SLC22A4: variants seen among roughly 807,000 people sequenced by gnomAD.
SLC22A4 encodes solute carrier family 22 member 4.
A neutral mutation model predicts 56.6 loss-of-function variants in SLC22A4; 39 were observed. The observed-to-expected ratio is 0.69, with a 90% CI of 0.53 to 0.90. The LOEUF is 0.90. SLC22A4 is among the 40% of genes least tolerant of loss of function. SLC22A4 has a pLI of 0.00. For synonymous variants in SLC22A4, 241 were observed against 281.4 expected (o/e 0.86, Z 1.44); for missense variants, 594 against 696.5 (o/e 0.85, Z 1.66).
chr5:132,340,590 C>T lies in SLC22A4; in HGVS notation c.1470C>T (p.Tyr490=). 1 of 1,614,012 alleles carries T rather than the reference C, an allele frequency of 6.2e-7. No individual in the cohort carries two copies. Among genetic ancestry groups the T allele is most frequent in the Non-Finnish European group, 8.5e-7 (1 of 1,179,896 alleles). Residue 490 remains tyrosine (Y), a synonymous_variant, in exon 9 of 10, where the codon TAC becomes TAT. Coordinates refer to ENST00000200652, the MANE Select transcript of SLC22A4 (RefSeq NM_003059.3). ...YLGAYNRMLP[Y]IVMGSLTVLI... ...GTGCTTACAACAGAATGCTGCCCTA[C>T]ATCGTCATGGGTAGTCTGACTGTCC...
At chr5:132,319,310 AAAAAAAAAG>A (rs1224792738) in intron 3 of SLC22A4, among the ~76,000 whole-genome samples, 13 of 145,522 alleles carry the variant, frequency 8.9e-5, no homozygotes, top group African/African-American at 1.4e-4. Context: ...TCAAAAAAAA[AAAAAAAAAG>A]AAAAAAAAGA....
chr5:132,295,224 A>G (rs897858936), intron 1 of SLC22A4: 4 of 721,090 alleles, frequency 5.5e-6, no homozygotes, highest in South Asian at 3.0e-5. Context: ...GAGGTGATGG[A>G]GAAAGGAGTT....
chr5:132,335,693 A>AT, intron 7 of SLC22A4, 125 bp from the exon 8 acceptor site: 2 of 826,728 alleles, frequency 2.4e-6, no homozygotes, highest in South Asian at 2.8e-5. Flanking sequence ...AGAAAATGCT[A>AT]TTTTGGGAAT....
At chr5:132,315,265 G>A (rs915404405) in intron 3 of SLC22A4, among the ~76,000 whole-genome samples, 10 of 152,072 alleles carry the variant, frequency 6.6e-5, no homozygotes, top group East Asian at 1.9e-4. Context: ...TCCCCAAAAC[G>A]GAGGACTCTG....
intron 6 of SLC22A4, chr5:132,332,422 C>T (rs748110879): frequency 1.3e-4 from 21 of 155,890 alleles, no homozygotes; most frequent in Middle Eastern, 3.2e-3. Flanking sequence ...CATTGATGTC[C>T]CTGGGTAATG....
At chr5:132,342,998 G>A (rs912865678) in intron 9 of SLC22A4, among the ~76,000 whole-genome samples, 3 of 152,248 alleles carry the variant, frequency 2.0e-5, no homozygotes, top group African/African-American at 7.2e-5. Context: ...TAGTCTTCTG[G>A]TGACCAGCCC....
intron 1 of SLC22A4, among the ~76,000 whole-genome samples, chr5:132,303,242 A>G (rs1749946531): frequency 6.6e-6 from 1 of 152,232 alleles, no homozygotes; most frequent in Admixed American, 6.5e-5. Flanking sequence ...CAGTGTGAGG[A>G]GCGCCAGCGC....
intron 1 of SLC22A4, among the ~76,000 whole-genome samples, chr5:132,303,748 A>G (rs1749958959): frequency 6.6e-6 from 1 of 152,194 alleles, no homozygotes; most frequent in Non-Finnish European, 1.5e-5. Flanking sequence ...CAGCTCATTC[A>G]TACGGCAGAG....
intron 3 of SLC22A4, among the ~76,000 whole-genome samples, chr5:132,316,562 G>GA (rs1310537192): frequency 1.3e-5 from 2 of 152,254 alleles, no homozygotes; most frequent in East Asian, 1.9e-4. Flanking sequence ...TAATAACACA[G>GA]AAAAAACTCT....
At chr5:132,324,413 G>A (rs979421208) in intron 4 of SLC22A4, 6 of 437,578 alleles carry the variant, frequency 1.4e-5, no homozygotes, top group Non-Finnish European at 2.8e-5. Context: ...ATCCCACAGG[G>A]AGCCTGCTCA....
chr5:132,295,889 G>A (rs1240381657), intron 1 of SLC22A4, among the ~76,000 whole-genome samples: 2 of 152,208 alleles, frequency 1.3e-5, no homozygotes, highest in African/African-American at 4.8e-5. Context: ...AGTGGCCTCT[G>A]CTAGTCCCTT....
chr5:132,320,988 A>T lies in SLC22A4; in HGVS notation c.653-1196A>T, dbSNP rs1393695390. On this transcript the variant is annotated intron_variant, in intron 3 of 9. Transcript: ENST00000200652. ...TGTGGAAAGGGCCCAGAGCTCCGTG[A>T]CAAGAGAAGGAGCTTTGTTCTTGGA... 4 of 152,336 alleles carry T rather than the reference A, an allele frequency of 2.6e-5. No individual in the cohort carries two copies. In the East Asian group the frequency reaches 7.7e-4, roughly 29 times the overall value. The allele number at this position is 152,336 out of a possible 1,614,324, so 9.4% of individuals were successfully genotyped here.
intron 3 of SLC22A4, among the ~76,000 whole-genome samples, chr5:132,314,447 T>C (rs2126713502): frequency 6.6e-6 from 1 of 152,282 alleles, no homozygotes; most frequent in East Asian, 1.9e-4. Flanking sequence ...ATGAGGGTCA[T>C]CCACAGGAGT....
In SLC22A4 at chr5:132,343,884, C is replaced by T; in HGVS notation, c.*49C>T. The T allele has an allele frequency of 8.2e-7, 1 of 1,217,472 alleles. No homozygotes were observed. Among genetic ancestry groups the T allele is most frequent in the Non-Finnish European group, 1.2e-6 (1 of 829,682 alleles). 75.4% of individuals were successfully genotyped at this position (1,217,472 alleles called of 1,614,324 possible). ...AAGTGAAAAACAGAAAAATAAGACC[C>T]TGTGGAGAAATTCGTTGTTCCCACT... On this transcript the variant is annotated 3_prime_UTR_variant, in exon 10 of 10. Transcript: ENST00000200652.
chr5:132,334,607 T>C (rs1750964791), intron 6 of SLC22A4, 111 bp from the exon 7 acceptor site: 1 of 796,996 alleles, frequency 1.3e-6, no homozygotes, highest in Non-Finnish European at 2.3e-6. Flanking sequence ...AAGTAGCCAA[T>C]GAGGGTAGTG....
At chr5:132,300,235 C>T (rs1461240777) in intron 1 of SLC22A4, among the ~76,000 whole-genome samples, 4 of 152,144 alleles carry the variant, frequency 2.6e-5, no homozygotes, top group Non-Finnish European at 4.4e-5. Context: ...GCTGATGTGT[C>T]TTATTACTGG....
chr5:132,310,933 G>C (rs554145255), intron 1 of SLC22A4, among the ~76,000 whole-genome samples: 1 of 152,250 alleles, frequency 6.6e-6, no homozygotes, highest in East Asian at 1.9e-4. Flanking sequence ...GGATAGTCTA[G>C]GGTCAGTCTT....
chr5:132,296,940 C>T (rs1450989491), intron 1 of SLC22A4, among the ~76,000 whole-genome samples: 3 of 152,202 alleles, frequency 2.0e-5, no homozygotes, highest in Non-Finnish European at 4.4e-5. Context: ...CATCATCACA[C>T]ATTCACACAC....
In SLC22A4 at chr5:132,322,335, G is replaced by A. The variant is rs1750569613; in HGVS notation, c.804G>A (p.Val268=). 3.1e-6 allele frequency: 5 copies of A among 1,613,560 alleles called. No individual in the cohort carries two copies. Among genetic ancestry groups the A allele is most frequent in the Non-Finnish European group, 3.4e-6 (4 of 1,179,924 alleles). ...TGCTGGCGCTGACGGTGCCGGGAGT[G>A]CTGTGTGTCCCGCTGTGGTGGTGAG... ...MLLLALTVPG[V]LCVPLWWFIP... The change falls in exon 4 of 10, where the codon GTG becomes GTA. Residue 268 remains valine (V), a synonymous_variant. Coordinates refer to ENST00000200652, the MANE Select transcript of SLC22A4 (RefSeq NM_003059.3).
Sources: allele counts gnomAD v4.1 joint callset (sites outside exome capture counted in the v4.1 genomes callset), GRCh38; gene constraint gnomAD v4.1.1; transcripts MANE v1.5; gene names NCBI Gene and HGNC (gene_info 2026-07-23, HGNC 2026-07-21).